Variants in HIVEP2 observed in about 807,000 individuals in gnomAD.
The protein encoded by HIVEP2 is transcription factor HIVEP2.
Under a neutral mutation model 180.7 loss-of-function variants are expected in HIVEP2, and 14 were observed. The ratio of observed to expected loss-of-function variants is 0.08; its 90% CI spans 0.05 to 0.12. The LOEUF is 0.12. HIVEP2 is among the 10% of genes least tolerant of loss of function. The pLI, the probability that HIVEP2 is intolerant of heterozygous loss-of-function variation, is 1.00. For missense variants in HIVEP2, 2,579 were observed against 3,008.5 expected, an observed-to-expected ratio of 0.86 and a Z score of 3.34; for synonymous variants, 1,184 against 1,136.4, an observed-to-expected ratio of 1.04 and a Z score of -0.84.
intron 1 of HIVEP2, among the ~76,000 whole-genome samples, chr6:142,907,504 A>T (rs9403420): frequency 0.071 from 10,853 of 152,258 alleles, 492 homozygotes; most frequent in East Asian, 0.17. Context: ...ACACAAAGCC[A>T]TTGCTTACCC....
At chr6:142,793,495 G>A (rs1388033021) in intron 2 of HIVEP2, among the ~76,000 whole-genome samples, 1 of 152,026 alleles carries the variant, frequency 6.6e-6, no homozygotes, top group African/African-American at 2.4e-5. Flanking sequence ...AATATGTATT[G>A]CTTGATACTA....
chr6:142,889,152 A>G (rs1348934127), intron 1 of HIVEP2, among the ~76,000 whole-genome samples: 1 of 152,178 alleles, frequency 6.6e-6, no homozygotes, highest in Non-Finnish European at 1.5e-5. Context: ...AGTGGACTGA[A>G]TGACAGGACA....
chr6:142,762,497 CAT>C (rs1562499248), intron 7 of HIVEP2, among the ~76,000 whole-genome samples: 1 of 141,558 alleles, frequency 7.1e-6, no homozygotes, highest in African/African-American at 2.7e-5. Flanking sequence ...CACACACATA[CAT>C]ATAAATTATA....
chr6:142,800,109 C>CA (rs533413623), intron 2 of HIVEP2, among the ~76,000 whole-genome samples: 72 of 152,112 alleles, frequency 4.7e-4, no homozygotes, highest in African/African-American at 1.7e-3. Flanking sequence ...CAGGTGGCAG[C>CA]AAAAAACACT....
At chr6:142,833,951 C>T (rs553428116) in intron 2 of HIVEP2, among the ~76,000 whole-genome samples, 2 of 152,176 alleles carry the variant, frequency 1.3e-5, no homozygotes, top group Admixed American at 1.3e-4. Context: ...ATCTGAAGAG[C>T]TATAAAAATA....
Position 142,772,105 on chromosome 6 carries a change from G to C in HIVEP2, c.2634C>G (p.Pro878=), listed in dbSNP as rs1289040207. The C allele has an allele frequency of 9.9e-6, 16 of 1,614,086 alleles. No homozygotes were observed. The highest frequency in any genetic ancestry group is 1.4e-5 in the Non-Finnish European group (16 of 1,180,044). ...QVQQQSYHTQ[P]RLVRQHNIQV... ...GGATGTTGTGTTGCCGAACTAGCCT[G>C]GGCTGTGTGTGATAGGACTGCTGCT... Residue 878 remains proline (P), a synonymous_variant, in exon 5 of 10, where the codon CCC becomes CCG. Transcript: ENST00000367603. The surrounding 1 kb of genome is among the most constrained non-coding windows in gnomAD (Gnocchi z 4.9).
chr6:142,863,884 A>G (rs1337867498), intron 1 of HIVEP2, among the ~76,000 whole-genome samples: 1 of 152,202 alleles, frequency 6.6e-6, no homozygotes, highest in Non-Finnish European at 1.5e-5. Context: ...AGGTCCCAAA[A>G]ACACACTTAT....
chr6:142,924,215 T>C (rs1174218913), intron 1 of HIVEP2, among the ~76,000 whole-genome samples: 1 of 152,212 alleles, frequency 6.6e-6, no homozygotes, highest in African/African-American at 2.4e-5. Context: ...TCAAATAATA[T>C]CTCACTTTTT....
intron 9 of HIVEP2, among the ~76,000 whole-genome samples, chr6:142,756,470 C>G (rs1775071667): frequency 6.6e-6 from 1 of 152,158 alleles, no homozygotes; most frequent in Non-Finnish European, 1.5e-5. Context: ...GGGCCACCTC[C>G]CTGGCTGCCA....
intron 1 of HIVEP2, among the ~76,000 whole-genome samples, chr6:142,845,746 C>T (rs1775496243): frequency 6.6e-6 from 1 of 152,234 alleles, no homozygotes; most frequent in Admixed American, 6.5e-5. Flanking sequence ...CTGTTCAACT[C>T]GCCGGGTCGG....
At chr6:142,817,171 G>C (rs569604948) in intron 2 of HIVEP2, among the ~76,000 whole-genome samples, 1 of 152,220 alleles carries the variant, frequency 6.6e-6, no homozygotes, top group Admixed American at 6.5e-5. Context: ...TCAGAGATTA[G>C]GTCTATATAT....
Position 142,753,985 on chromosome 6 carries a change from T to C in HIVEP2, c.6517-54A>G, listed in dbSNP as rs1170275409. ...ATTCAGAGCCTGCTACGCTTCATTCTTAGGTCAAGCTGTTGGATTCATTCA... is the reference window on the plus strand; with the variant it reads ...ATTCAGAGCCTGCTACGCTTCATTCCTAGGTCAAGCTGTTGGATTCATTCA... On this transcript the variant is annotated intron_variant, in intron 9 of 9. Coordinates refer to ENST00000367603, the MANE Select transcript of HIVEP2 (RefSeq NM_006734.4). The C allele has an allele frequency of 9.6e-6, 9 of 936,970 alleles. No homozygotes were observed. The Admixed American group carries it at 1.8e-4, about 19-fold the overall frequency. The allele number at this position is 936,970 out of a possible 1,614,324, so 58.0% of individuals were successfully genotyped here. A position where few individuals can be genotyped will look rare whatever the true frequency, so the allele number is the denominator to read the frequency against.
intron 1 of HIVEP2, among the ~76,000 whole-genome samples, chr6:142,853,629 T>G (rs1044477447): frequency 6.6e-6 from 1 of 152,126 alleles, no homozygotes; most frequent in African/African-American, 2.4e-5. Flanking sequence ...ATAGTCACAC[T>G]GAGAAATTGA....
chr6:142,877,065 G>A lies in HIVEP2; in HGVS notation c.-640-40018C>T, dbSNP rs866381517. On this transcript the variant is annotated intron_variant, in intron 1 of 9. Transcript: ENST00000367603. ...CCCTGTCTCAAATAAAAACATTAAA[G>A]TAAATAAAGGTAAAAATAAGGCATA... is the stretch of plus-strand genomic sequence containing the variant. Among the ~76,000 whole-genome samples, 5 of 152,102 alleles carry A rather than the reference G, an allele frequency of 3.3e-5. No individual in the cohort carries two copies. The South Asian group carries it at 1.0e-3, about 31-fold the overall frequency.
chr6:142,799,352 G>A (rs1227108554), intron 2 of HIVEP2, among the ~76,000 whole-genome samples: 1 of 152,074 alleles, frequency 6.6e-6, no homozygotes. Flanking sequence ...AGTGCAGCCC[G>A]GGAGGAGACA....
intron 1 of HIVEP2, among the ~76,000 whole-genome samples, chr6:142,854,606 A>G (rs1775770861): frequency 6.6e-6 from 1 of 152,224 alleles, no homozygotes; most frequent in Non-Finnish European, 1.5e-5. Context: ...AGACAGCCGA[A>G]CTTTAGGAGG....
At chr6:142,775,846 T>C (rs1346216561) in intron 4 of HIVEP2, among the ~76,000 whole-genome samples, 1 of 150,152 alleles carries the variant, frequency 6.7e-6, no homozygotes, top group African/African-American at 2.4e-5. Context: ...AAAAAAACCA[T>C]ATATATAGTT....
intron 2 of HIVEP2, among the ~76,000 whole-genome samples, chr6:142,788,963 G>A (rs1303992842): frequency 6.6e-6 from 1 of 152,076 alleles, no homozygotes; most frequent in African/African-American, 2.4e-5. Context: ...AGTTATCAAT[G>A]TTAGATTTAG....
Position 142,770,971 on chromosome 6 carries a change from G to A in HIVEP2, c.3768C>T (p.Pro1256=). ...CAGTGTGCTCTGCCACATGCTCTAA[G>A]GGATAGCTCGAATGGATTTCTGTCT... ...SFQTEIHSSY[P]LEHVAEHTGK... Residue 1256 remains proline, a synonymous_variant, in exon 5 of 10, where the codon CCC becomes CCT. Coordinates refer to ENST00000367603, the MANE Select transcript of HIVEP2 (RefSeq NM_006734.4). The surrounding 1 kb of genome is among the most constrained non-coding windows in gnomAD (Gnocchi z 4.7). 1 of 1,614,200 alleles carries A rather than the reference G, an allele frequency of 6.2e-7. No homozygotes were observed. The highest frequency in any genetic ancestry group is 2.2e-5 in the East Asian group (1 of 44,882).
Sources: allele counts gnomAD v4.1 joint callset (sites outside exome capture counted in the v4.1 genomes callset), GRCh38; gene constraint gnomAD v4.1.1; non-coding constraint Gnocchi (gnomAD v3.1); transcripts MANE v1.5; gene names NCBI Gene and HGNC (gene_info 2026-07-23, HGNC 2026-07-21).